Variants in SPATS2 observed in about 807,000 individuals in gnomAD.
The protein encoded by SPATS2 is spermatogenesis associated serine rich 2.
In SPATS2, 38 loss-of-function variants were observed where a neutral mutation model predicts 63.7. The observed-to-expected ratio is 0.60, with a 90% confidence interval of 0.46 to 0.78. The LOEUF (loss-of-function observed/expected upper bound fraction) is 0.78, where lower values mean the gene tolerates loss of function less well. Ranked by LOEUF, SPATS2 falls within the 30% of genes least tolerant of loss-of-function variation. SPATS2 has a pLI of 0.00. For synonymous variants in SPATS2, 207 were observed against 232.9 expected, an observed-to-expected ratio of 0.89 and a Z score of 1.01; for missense variants, 588 against 666.2, an observed-to-expected ratio of 0.88 and a Z score of 1.29.
intron 11 of SPATS2, among the ~76,000 whole-genome samples, chr12:49,519,981 A>ATT (rs747590338): frequency 2.2e-5 from 3 of 138,514 alleles, no homozygotes; most frequent in Non-Finnish European, 4.8e-5. Context: ...CGCCTGGCTA[A>ATT]TTTTTTTTTT....
chr12:49,494,814 T>C lies in SPATS2; in HGVS notation c.338T>C (p.Val113Ala). 1.9e-6 allele frequency: 3 copies of C among 1,613,394 alleles called. No homozygotes were observed. Among genetic ancestry groups the C allele is most frequent in the Non-Finnish European group, 1.7e-6 (2 of 1,179,834 alleles). Residue 113 changes from valine (V) to alanine (A), a missense_variant, in exon 7 of 14, where the codon GTT becomes GCT. Coordinates refer to ENST00000552918, the MANE Select transcript of SPATS2 (RefSeq NM_023071.4). ...SNGIPDSSKS[V>A]SIQEEQSAPS... ...GGCATCCCAGATTCCAGTAAATCAG[T>C]TTCCATTCAAGAGGAACAGTCTGCG...
At chr12:49,525,870 A>T in intron 13 of SPATS2, 74 bp from the exon 14 acceptor site, 2 of 1,491,466 alleles carry the variant, frequency 1.3e-6, no homozygotes, top group Non-Finnish European at 1.8e-6. Context: ...TGCTTTCAGA[A>T]TACTCCTGTA....
At chr12:49,519,322 C>G (rs763278509) in intron 11 of SPATS2, 140 bp downstream of exon 11, 3 of 637,666 alleles carry the variant, frequency 4.7e-6, no homozygotes, top group Non-Finnish European at 7.8e-6. Flanking sequence ...AAGTCCCTTT[C>G]TCTGTAAGTG....
chr12:49,420,407 A>G (rs1944960053), intron 2 of SPATS2, among the ~76,000 whole-genome samples: 1 of 152,186 alleles, frequency 6.6e-6, no homozygotes, highest in Non-Finnish European at 1.5e-5. Flanking sequence ...CAGCCTGGCC[A>G]ACATGGGGAA....
intron 9 of SPATS2, among the ~76,000 whole-genome samples, chr12:49,510,294 G>A (rs891493002): frequency 2.0e-5 from 3 of 151,314 alleles, no homozygotes; most frequent in Non-Finnish European, 4.4e-5. Context: ...AGGTACAGCG[G>A]TTCATGCCTG....
intron 9 of SPATS2, among the ~76,000 whole-genome samples, chr12:49,503,981 T>A (rs1363490829): frequency 6.6e-6 from 1 of 152,188 alleles, no homozygotes; most frequent in African/African-American, 2.4e-5. Flanking sequence ...CCTTTCCTGC[T>A]AGTATAAAGC....
intron 3 of SPATS2, chr12:49,463,263 AT>A: frequency 6.6e-6 from 1 of 151,252 alleles, no homozygotes; most frequent in Non-Finnish European, 1.5e-5. Context: ...AAAAAAAAAA[AT>A]TAGCCGGGCG....
intron 2 of SPATS2, among the ~76,000 whole-genome samples, chr12:49,373,500 T>TG (rs1473567315): frequency 6.6e-6 from 1 of 152,142 alleles, no homozygotes; most frequent in East Asian, 1.9e-4. Flanking sequence ...TGATGTTTGT[T>TG]GGGGGCTGGG....
intron 9 of SPATS2, among the ~76,000 whole-genome samples, chr12:49,501,612 T>G (rs1404197217): frequency 6.6e-6 from 1 of 152,120 alleles, no homozygotes; most frequent in Non-Finnish European, 1.5e-5. Context: ...ATATTTGTTT[T>G]TTTGTTTTGT....
intron 2 of SPATS2, among the ~76,000 whole-genome samples, chr12:49,399,506 A>G (rs1333475854): frequency 1.3e-5 from 2 of 152,218 alleles, no homozygotes; most frequent in Non-Finnish European, 2.9e-5. Context: ...CCATACAGAA[A>G]GGCATAGCAA....
At chr12:49,376,523 A>AGT (rs1301779759) in intron 2 of SPATS2, among the ~76,000 whole-genome samples, 1 of 151,650 alleles carries the variant, frequency 6.6e-6, no homozygotes, top group Non-Finnish European at 1.5e-5. Flanking sequence ...CAGTCTCCCT[A>AGT]GTAGCTGGGA....
intron 2 of SPATS2, among the ~76,000 whole-genome samples, chr12:49,438,368 G>C (rs1366771992): frequency 1.3e-5 from 2 of 152,122 alleles, no homozygotes. Flanking sequence ...CTTGTTACCA[G>C]ATTGGGCTAT....
intron 2 of SPATS2, among the ~76,000 whole-genome samples, chr12:49,400,138 G>C (rs1944581003): frequency 6.6e-6 from 1 of 152,174 alleles, no homozygotes; most frequent in Admixed American, 6.5e-5. Context: ...ATTCTGGGGA[G>C]GGGAATGTTT....
In SPATS2 at chr12:49,368,239, C is replaced by G. The variant is rs534576103; in HGVS notation, c.-307+652C>G. On this transcript the variant is annotated intron_variant, in intron 1 of 13. Coordinates refer to ENST00000552918, the MANE Select transcript of SPATS2 (RefSeq NM_023071.4). ...GAAAGTGGATCTTTCTCAAGCTTGT[C>G]CCTCTGTTAAGGAGTACAAGCCGTT... Among the ~76,000 whole-genome samples the G allele has an allele frequency of 4.2e-4, 64 of 152,310 alleles. No individual in the cohort carries two copies. The South Asian group carries it at 8.1e-3, about 19-fold the overall frequency.
chr12:49,476,084 A>G (rs1392615202), intron 3 of SPATS2, among the ~76,000 whole-genome samples: 1 of 152,048 alleles, frequency 6.6e-6, no homozygotes, highest in African/African-American at 2.4e-5. Context: ...CAAATGTTGC[A>G]TTTCCCAAGA....
intron 2 of SPATS2, chr12:49,390,060 A>G: frequency 2.7e-6 from 3 of 1,103,746 alleles, no homozygotes; most frequent in Non-Finnish European, 2.8e-6. Context: ...AGATCCTATA[A>G]ATAACTCGAG....
intron 3 of SPATS2, among the ~76,000 whole-genome samples, chr12:49,481,046 G>A (rs1946197137): frequency 6.6e-6 from 1 of 151,984 alleles, no homozygotes; most frequent in Non-Finnish European, 1.5e-5. Context: ...AATTTTTGAA[G>A]CCAGCAAAAA....
chr12:49,470,187 A>G (rs190289842), intron 3 of SPATS2, among the ~76,000 whole-genome samples: 1 of 151,982 alleles, frequency 6.6e-6, no homozygotes, highest in African/African-American at 2.4e-5. Flanking sequence ...GTCCACCACC[A>G]CGCCCAGCTA....
chr12:49,422,057 G>T (rs1254140625), intron 2 of SPATS2, among the ~76,000 whole-genome samples: 12 of 152,326 alleles, frequency 7.9e-5, no homozygotes, highest in African/African-American at 2.9e-4. Context: ...AGAGGGCACA[G>T]AGTTGGCATT....
Sources: allele counts gnomAD v4.1 joint callset (sites outside exome capture counted in the v4.1 genomes callset), GRCh38; gene constraint gnomAD v4.1.1; transcripts MANE v1.5; gene names NCBI Gene and HGNC (gene_info 2026-07-23, HGNC 2026-07-21).